The following AMPH variants were observed in gnomAD, a reference collection of about 807,000 sequenced individuals.
The protein encoded by AMPH is amphiphysin.
In AMPH, 49 loss-of-function variants were observed where a neutral mutation model predicts 99.1. That is an observed-to-expected ratio of 0.49 (90% CI 0.39 to 0.63). The LOEUF (loss-of-function observed/expected upper bound fraction) is 0.63. Among genes scored for constraint, AMPH ranks in the 20% least tolerant of loss-of-function variants. AMPH has a pLI of 0.00. For missense variants in AMPH, 759 were observed against 863.4 expected, an observed-to-expected ratio of 0.88 and a Z score of 1.52; for synonymous variants, 314 against 317.3, an observed-to-expected ratio of 0.99 and a Z score of 0.11.
chr7:38,614,113 A>C (rs529743555), intron 1 of AMPH, among the ~76,000 whole-genome samples: 2 of 152,222 alleles, frequency 1.3e-5, no homozygotes, highest in African/African-American at 4.8e-5. Flanking sequence ...CACCTTCTGC[A>C]CATCTCCCAC....
Position 38,609,807 on chromosome 7 carries a change from T to G in AMPH, c.69+21476A>C, listed in dbSNP as rs1793564236. ...TTCACAATTGTAAAGTATCTATTTC[T>G]AAAAATGGAAATTTAGTTACAGATC... On this transcript the variant is annotated intron_variant, in intron 1 of 20. Coordinates refer to ENST00000356264, the MANE Select transcript of AMPH (RefSeq NM_001635.4). Among the ~76,000 whole-genome samples, 2 of 152,190 alleles carry G rather than the reference T, an allele frequency of 1.3e-5. 1 individual carries two copies. The highest frequency in any genetic ancestry group is 1.3e-4 in the Admixed American group (2 of 15,280).
intron 17 of AMPH, among the ~76,000 whole-genome samples, chr7:38,413,371 GA>G (rs34008192): frequency 0.82 from 123,728 of 151,130 alleles, 50,802 homozygotes; most frequent in Middle Eastern, 0.88. Flanking sequence ...GTATCTGAAT[GA>G]AAAAAAAAAG....
intron 3 of AMPH, among the ~76,000 whole-genome samples, chr7:38,495,080 GAAAA>G (rs1171715982): frequency 1.3e-5 from 2 of 151,908 alleles, no homozygotes; most frequent in African/African-American, 4.8e-5. Flanking sequence ...AAAGAACAAA[GAAAA>G]AAAGTTTGTC....
intron 1 of AMPH, among the ~76,000 whole-genome samples, chr7:38,625,540 T>C (rs1245140693): frequency 6.6e-6 from 1 of 152,144 alleles, no homozygotes; most frequent in Non-Finnish European, 1.5e-5. Context: ...AGCAAGGCAC[T>C]GTCTGGAAGA....
intron 2 of AMPH, among the ~76,000 whole-genome samples, chr7:38,513,168 CAT>C (rs1789605570): frequency 6.6e-6 from 1 of 152,274 alleles, no homozygotes; most frequent in Admixed American, 6.5e-5. Context: ...AATCAAAACA[CAT>C]ATTTCCAATA....
At chr7:38,498,983 A>C (rs1789031942) in intron 3 of AMPH, among the ~76,000 whole-genome samples, 1 of 151,976 alleles carries the variant, frequency 6.6e-6, no homozygotes, top group Non-Finnish European at 1.5e-5. Context: ...GTCCCTCTGA[A>C]ATCTATCTTT....
intron 1 of AMPH, among the ~76,000 whole-genome samples, chr7:38,576,678 T>C (rs1792257278): frequency 6.6e-6 from 1 of 152,194 alleles, no homozygotes; most frequent in Admixed American, 6.5e-5. Context: ...TCTATTTTTA[T>C]GTTTTTTTAA....
At chr7:38,439,003 T>A (rs1218459744) in intron 11 of AMPH, among the ~76,000 whole-genome samples, 1 of 152,096 alleles carries the variant, frequency 6.6e-6, no homozygotes, top group Non-Finnish European at 1.5e-5. Context: ...TGGTGAGAGG[T>A]GACTGGATCA....
intron 17 of AMPH, among the ~76,000 whole-genome samples, chr7:38,405,346 C>T (rs537967889): frequency 6.6e-6 from 1 of 152,038 alleles, no homozygotes; most frequent in Non-Finnish European, 1.5e-5. Context: ...AGGAACAAAA[C>T]CTCACATGTC....
At chr7:38,448,695 C>A (rs1786886950) in intron 11 of AMPH, among the ~76,000 whole-genome samples, 2 of 152,154 alleles carry the variant, frequency 1.3e-5, no homozygotes, top group Admixed American at 6.6e-5. Context: ...TAAGGGGAGA[C>A]TGCTGAACAG....
In AMPH at chr7:38,616,657, T is replaced by C. The variant is rs576066094; in HGVS notation, c.69+14626A>G. 1.2e-4 allele frequency among the ~76,000 whole-genome samples: 19 copies of C among 152,154 alleles called. No homozygotes were observed. The South Asian group carries it at 3.9e-3, about 32-fold the overall frequency. ...TGTACACTATAATATAATTTATCAA[T>C]AAAAAAAGAAGGAACTGCTCCTACA... On this transcript the variant is annotated intron_variant, in intron 1 of 20. Coordinates refer to ENST00000356264, the MANE Select transcript of AMPH (RefSeq NM_001635.4).
At chr7:38,624,599 T>C (rs10267034) in intron 1 of AMPH, among the ~76,000 whole-genome samples, 24,928 of 150,198 alleles carry the variant, frequency 0.17, 2,381 homozygotes, top group South Asian at 0.22. Flanking sequence ...TTAAATATTG[T>C]ATAGAGGTCA....
intron 1 of AMPH, among the ~76,000 whole-genome samples, chr7:38,553,666 G>T (rs1201350864): frequency 2.0e-5 from 3 of 152,174 alleles, no homozygotes; most frequent in African/African-American, 7.2e-5. Flanking sequence ...TTGTCCTCCT[G>T]AGCTTTCATT....
At chr7:38,538,813 T>C (rs773829014) in intron 1 of AMPH, among the ~76,000 whole-genome samples, 16 of 152,046 alleles carry the variant, frequency 1.1e-4, no homozygotes, top group Non-Finnish European at 2.2e-4. Flanking sequence ...GGAGACTGAG[T>C]AGGCATTGAT....
chr7:38,496,487 G>A (rs1400416607), intron 3 of AMPH, among the ~76,000 whole-genome samples: 4 of 152,066 alleles, frequency 2.6e-5, no homozygotes, highest in African/African-American at 9.7e-5. Flanking sequence ...AGAGTCTGGG[G>A]TAGGAAAAAA....
rs374190529 is a variant in AMPH, at chr7:38,476,973, T to A, written c.397-4A>T. ...TGCTGCGCTTGGCGATGCGATTCTG[T>A]CAACAGGAAATGCACTCACTAAGAA... On this transcript the variant is annotated splice_polypyrimidine_tract_variant and splice_region_variant and intron_variant, in intron 5 of 20. Coordinates refer to ENST00000356264, the MANE Select transcript of AMPH (RefSeq NM_001635.4). 9 of 1,612,916 alleles carry A rather than the reference T, an allele frequency of 5.6e-6. No individual in the cohort carries two copies. The highest frequency in any genetic ancestry group is 6.8e-6 in the Non-Finnish European group (8 of 1,179,218).
chr7:38,621,076 C>T (rs1207167252), intron 1 of AMPH, among the ~76,000 whole-genome samples: 2 of 152,170 alleles, frequency 1.3e-5, no homozygotes, highest in Non-Finnish European at 2.9e-5. Context: ...GGAGTAAGGA[C>T]AAAGTGTCAG....
At chr7:38,626,035 T>C (rs1029312827) in intron 1 of AMPH, among the ~76,000 whole-genome samples, 2 of 152,152 alleles carry the variant, frequency 1.3e-5, no homozygotes, top group African/African-American at 4.8e-5. Context: ...CACCATACAT[T>C]AAAAGATAGA....
At chr7:38,511,125 G>A (rs1236818802) in intron 2 of AMPH, among the ~76,000 whole-genome samples, 3 of 152,096 alleles carry the variant, frequency 2.0e-5, no homozygotes, top group Admixed American at 6.5e-5. Context: ...TGAGGGAGAC[G>A]AGTTACATAA....
Sources: gnomAD v4.1 joint callset for allele counts (sites outside exome capture counted in the v4.1 genomes callset) on GRCh38, gnomAD v4.1.1 for gene constraint, MANE v1.5 for transcripts, NCBI Gene and HGNC (gene_info 2026-07-23, HGNC 2026-07-21) for gene names.